GSS: variants seen among roughly 807,000 people sequenced by gnomAD.
GSS encodes glutathione synthetase, also known as GSH synthetase.
A neutral mutation model predicts 60.4 loss-of-function variants in GSS; 34 were observed. The observed-to-expected ratio is 0.56, with a 90% CI of 0.43 to 0.75. The LOEUF (loss-of-function observed/expected upper bound fraction) is 0.75. GSS is among the 30% of genes least tolerant of loss of function. The pLI is 0.00. For synonymous variants in GSS, 224 were observed against 239.0 expected, an observed-to-expected ratio of 0.94 and a Z score of 0.58; for missense variants, 499 against 595.1, an observed-to-expected ratio of 0.84 and a Z score of 1.68.
chr20:34,946,676 G>A (rs2081525555), intron 2 of GSS: 1 of 152,278 alleles, frequency 6.6e-6, no homozygotes, highest in African/African-American at 2.4e-5. Flanking sequence ...GCCCTTCCAT[G>A]CATCAGGAGC....
chr20:34,954,402 A>C (rs947536554), intron 1 of GSS: 5 of 152,448 alleles, frequency 3.3e-5, no homozygotes, highest in African/African-American at 9.6e-5. Flanking sequence ...TAAAAATACA[A>C]AATTAGCCGG....
intron 1 of GSS, among the ~76,000 whole-genome samples, chr20:34,953,012 T>G (rs749311036): frequency 1.6e-4 from 25 of 152,198 alleles, no homozygotes; most frequent in Non-Finnish European, 3.1e-4. Context: ...GAAATCACAT[T>G]AGCAAGATGG....
At chr20:34,941,691 T>G (rs370675522) in intron 6 of GSS, 22 bp downstream of exon 6, 5 of 1,291,712 alleles carry the variant, frequency 3.9e-6, no homozygotes, top group African/African-American at 1.5e-5. Flanking sequence ...AGGATCCTCC[T>G]GCTACCTTTT....
rs774504966 is a variant in GSS, at chr20:34,946,019, AT to A, written c.208del (p.Met70TrpfsTer6). 1.9e-6 allele frequency: 3 copies of A among 1,614,160 alleles called. No individual in the cohort carries two copies. Among genetic ancestry groups the A allele is most frequent in the Non-Finnish European group, 2.5e-6 (3 of 1,179,980 alleles). Reference protein sequence around the residue: ...ALLEQAYAVQMDFNLLVDAVS... With the variant: ...ALLEQAYAVQXDFNLLVDAVS... ...AGCATCCACTAGCAGGTTGAAGTCC[AT>A]CTGCACAGCATAGGCTTGCTCCAGC... On this transcript the variant is annotated frameshift_variant, in exon 3 of 13. Coordinates refer to ENST00000651619, the MANE Select transcript of GSS (RefSeq NM_000178.4). LOFTEE classifies it high-confidence loss of function.
chr20:34,946,301 T>C, intron 2 of GSS, among the ~76,000 whole-genome samples: 1 of 152,066 alleles, frequency 6.6e-6, no homozygotes, highest in East Asian at 1.9e-4. Flanking sequence ...CTCTACGTAT[T>C]GAAGAGAGAG....
intron 11 of GSS, among the ~76,000 whole-genome samples, chr20:34,930,970 A>T (rs1225305153): frequency 2.0e-5 from 3 of 151,882 alleles, no homozygotes; most frequent in African/African-American, 7.3e-5. Context: ...GACAAAGATT[A>T]AAAAAATCCT....
intron 6 of GSS, among the ~76,000 whole-genome samples, chr20:34,938,415 G>A (rs1021103621): frequency 6.6e-6 from 1 of 152,180 alleles, no homozygotes; most frequent in African/African-American, 2.4e-5. Context: ...GAAATCTCAT[G>A]AGGTCAGATG....
Position 34,948,453 on chromosome 20 carries a change from C to T in GSS, c.130-2355G>A, listed in dbSNP as rs570962690. Among the ~76,000 whole-genome samples, 10 of 152,194 alleles carry T rather than the reference C, an allele frequency of 6.6e-5. No homozygotes were observed. In the South Asian group the frequency reaches 2.1e-3, roughly 32 times the overall value. Reference sequence around the variant, plus strand: ...GCTATCTACAGGCTAAAGGCTGAAACACACAGTCTTCTCACTTTTGATAGA... The same window carrying T: ...GCTATCTACAGGCTAAAGGCTGAAATACACAGTCTTCTCACTTTTGATAGA... On this transcript the variant is annotated intron_variant, in intron 2 of 12. Transcript: ENST00000651619.
At chr20:34,930,429 T>C (rs898217871) in intron 11 of GSS, among the ~76,000 whole-genome samples, 1 of 152,068 alleles carries the variant, frequency 6.6e-6, no homozygotes, top group African/African-American at 2.4e-5. Flanking sequence ...AGGCAAAAGG[T>C]ACCCCTGAGT....
At chr20:34,942,779 T>C in intron 4 of GSS, 152 bp from the exon 5 acceptor site, 1 of 963,922 alleles carries the variant, frequency 1.0e-6, no homozygotes, top group Non-Finnish European at 1.6e-6. Flanking sequence ...CTGGTCATCC[T>C]AGAATTGGTC....
At chr20:34,947,946 C>A (rs1199959274) in intron 2 of GSS, among the ~76,000 whole-genome samples, 1 of 131,744 alleles carries the variant, frequency 7.6e-6, no homozygotes, top group Non-Finnish European at 1.6e-5. Flanking sequence ...CCCTTCTCAG[C>A]ATCTTTTTTT....
At chr20:34,943,348 C>T (rs938631420) in intron 3 of GSS, among the ~76,000 whole-genome samples, 5 of 152,036 alleles carry the variant, frequency 3.3e-5, no homozygotes, top group Admixed American at 2.0e-4. Flanking sequence ...CATACTGCAC[C>T]GAAGAAGAGC....
At chr20:34,948,645 G>A (rs775818863) in intron 2 of GSS, among the ~76,000 whole-genome samples, 15 of 152,034 alleles carry the variant, frequency 9.9e-5, no homozygotes, top group East Asian at 3.9e-4. Context: ...TTAGCTGGGC[G>A]TGGTGGCACA....
chr20:34,935,768 G>C, intron 8 of GSS, 126 bp from the exon 9 acceptor site: 3 of 721,822 alleles, frequency 4.2e-6, no homozygotes, highest in South Asian at 1.5e-5. Flanking sequence ...GTGGGAGCCT[G>C]GTCAGGGGTT....
chr20:34,936,492 T>C (rs766026107), intron 8 of GSS, among the ~76,000 whole-genome samples: 2 of 152,134 alleles, frequency 1.3e-5, no homozygotes, highest in African/African-American at 4.8e-5. Context: ...CTCACCTTAC[T>C]AGGAGAGGCA....
rs757090208 is a variant in GSS, at chr20:34,942,465, C to G, written c.491+23G>C. ...TCAGCATGTCACCCCACAGGTATGC[C>G]GGGGGCTGCCCAGGGGACCCACCGG... On this transcript the variant is annotated intron_variant, in intron 5 of 12. Coordinates refer to ENST00000651619, the MANE Select transcript of GSS (RefSeq NM_000178.4). 11 of 1,608,280 alleles carry G rather than the reference C, an allele frequency of 6.8e-6. 1 individual carries two copies. The South Asian group carries it at 8.8e-5, about 13-fold the overall frequency.
At chr20:34,933,800 G>A (rs1195122955) in intron 9 of GSS, 1 of 152,122 alleles carries the variant, frequency 6.6e-6, no homozygotes. Context: ...GCAAGGACTT[G>A]CCCAGGGTCA....
rs528415757 is a variant in GSS, at chr20:34,951,968, G to A, written c.-8-108C>T. 10 of 1,136,616 alleles carry A rather than the reference G, an allele frequency of 8.8e-6. No homozygotes were observed. In the East Asian group the frequency reaches 2.4e-4, roughly 27 times the overall value. The allele number at this position is 1,136,616 out of a possible 1,614,324, so 70.4% of individuals were successfully genotyped here. A position where few individuals can be genotyped will look rare whatever the true frequency, so the allele number is the denominator to read the frequency against. On this transcript the variant is annotated intron_variant, in intron 1 of 12. Coordinates refer to ENST00000651619, the MANE Select transcript of GSS (RefSeq NM_000178.4). Reference sequence around the variant, plus strand: ...ACACAGCAGGACCCTGACCTCTGTTGGAAGGGAACAGCGTGGTATACAGGA... The same window carrying A: ...ACACAGCAGGACCCTGACCTCTGTTAGAAGGGAACAGCGTGGTATACAGGA...
rs1404713968 is a variant in GSS, at chr20:34,928,668, G to A, written c.*160C>T. On this transcript the variant is annotated 3_prime_UTR_variant, in exon 13 of 13. Coordinates refer to ENST00000651619, the MANE Select transcript of GSS (RefSeq NM_000178.4). ...GGGCGTCTAGATCTCATCTAAGGGA[G>A]ACACAACTTTTCTGGTCCTCAGATG... 1.3e-6 allele frequency: 1 copy of A among 789,818 alleles called. No individual in the cohort carries two copies. The highest frequency in any genetic ancestry group is 2.7e-5 in the East Asian group (1 of 37,484). 48.9% of individuals were successfully genotyped at this position (789,818 alleles called of 1,614,324 possible). A position where few individuals can be genotyped will look rare whatever the true frequency, so the allele number is the denominator to read the frequency against.
Sources: gnomAD v4.1 joint callset for allele counts (sites outside exome capture counted in the v4.1 genomes callset) on GRCh38, gnomAD v4.1.1 for gene constraint, MANE v1.5 for transcripts, NCBI Gene and HGNC (gene_info 2026-07-23, HGNC 2026-07-21) for gene names.